Variants in TNS1 observed in about 807,000 individuals in gnomAD.
TNS1 encodes tensin-1.
In TNS1, 62 loss-of-function variants were observed where a neutral mutation model predicts 168.6. That is an observed-to-expected ratio of 0.37 (90% CI 0.30 to 0.45). The LOEUF (loss-of-function observed/expected upper bound fraction) is 0.45. Ranked by LOEUF, TNS1 falls within the 20% of genes least tolerant of loss-of-function variation. TNS1 has a pLI of 1.00. For synonymous variants in TNS1, 934 were observed against 933.2 expected, an observed-to-expected ratio of 1.00 and a Z score of -0.02; for missense variants, 2,240 against 2,339.4, an observed-to-expected ratio of 0.96 and a Z score of 0.88.
chr2:217,997,422 C>T lies in TNS1; in HGVS notation c.33+5418G>A, dbSNP rs565116830. Reference sequence around the variant, plus strand: ...GGTCTCTCATCCTTTAAACTAGACACGTTATCCACCTCTCATTTTTCTTTC... The same window carrying T: ...GGTCTCTCATCCTTTAAACTAGACATGTTATCCACCTCTCATTTTTCTTTC... On this transcript the variant is annotated intron_variant, in intron 1 of 32. Transcript: ENST00000682258. Among the ~76,000 whole-genome samples, 5 of 152,296 alleles carry T rather than the reference C, an allele frequency of 3.3e-5. No individual in the cohort carries two copies. In the South Asian group the frequency reaches 8.3e-4, roughly 25 times the overall value.
chr2:217,859,632 G>C (rs1021513801), intron 18 of TNS1: 36 of 1,535,934 alleles, frequency 2.3e-5, no homozygotes, highest in Non-Finnish European at 3.1e-5. Context: ...GTCTGGCCAG[G>C]TATATTGATC....
chr2:218,003,993 C>T (rs1276813183), upstream of TNS1, among the ~76,000 whole-genome samples: 1 of 152,126 alleles, frequency 6.6e-6, no homozygotes, highest in Non-Finnish European at 1.5e-5. Flanking sequence ...GGGAATCCAG[C>T]AAAGTCTGCC....
intron 18 of TNS1, among the ~76,000 whole-genome samples, chr2:217,878,566 G>A (rs1486017616): frequency 1.3e-5 from 2 of 152,186 alleles, no homozygotes; most frequent in African/African-American, 4.8e-5. Context: ...GCTGGTGCAT[G>A]GTAAATCCAG....
intron 18 of TNS1, among the ~76,000 whole-genome samples, chr2:217,854,738 G>T (rs1354089256): frequency 6.6e-6 from 1 of 152,168 alleles, no homozygotes; most frequent in Non-Finnish European, 1.5e-5. Context: ...CACACACTCT[G>T]CCCCAGCCAT....
At position 217,891,202 on chromosome 2, in the gene TNS1, C is replaced by T. The variant is rs530261161; in HGVS notation, c.783-157G>A. Among the ~76,000 whole-genome samples the T allele has an allele frequency of 2.0e-5, 3 of 152,308 alleles. No individual in the cohort carries two copies. In the South Asian group the frequency reaches 6.2e-4, roughly 32 times the overall value. On this transcript the variant is annotated intron_variant, in intron 11 of 32. Transcript: ENST00000682258. ...GCCTCTTCCCCCTGCCATCCTGTGCCGAGAAGCTTTCAGGAAAAGAGTGTT... is the reference window on the plus strand; with the variant it reads ...GCCTCTTCCCCCTGCCATCCTGTGCTGAGAAGCTTTCAGGAAAAGAGTGTT...
At chr2:217,871,569 A>G (rs2042542) in intron 18 of TNS1, among the ~76,000 whole-genome samples, 53,662 of 152,172 alleles carry the variant, frequency 0.35, 9,621 homozygotes, top group African/African-American at 0.38. Context: ...CGTCTTACTC[A>G]AAAGTTCAGA....
chr2:217,928,543 C>T (rs1956154370), intron 3 of TNS1, among the ~76,000 whole-genome samples: 2 of 152,220 alleles, frequency 1.3e-5, no homozygotes, highest in South Asian at 4.1e-4. Flanking sequence ...CACACCCAAG[C>T]CCTGAGTGTC....
At chr2:217,877,771 G>A (rs1164604791) in intron 18 of TNS1, among the ~76,000 whole-genome samples, 1 of 152,190 alleles carries the variant, frequency 6.6e-6, no homozygotes, top group Non-Finnish European at 1.5e-5. Flanking sequence ...TGGGGGACCA[G>A]GAGCTCTGAG....
At chr2:217,863,159 G>A (rs1948944999) in intron 18 of TNS1, among the ~76,000 whole-genome samples, 1 of 152,194 alleles carries the variant, frequency 6.6e-6, no homozygotes, top group African/African-American at 2.4e-5. Context: ...GAATGGCTGA[G>A]TGCTTTGGTT....
At chr2:217,923,088 G>C (rs1230201157) in intron 3 of TNS1, among the ~76,000 whole-genome samples, 1 of 152,132 alleles carries the variant, frequency 6.6e-6, no homozygotes, top group Non-Finnish European at 1.5e-5. Flanking sequence ...TGGCCCCACA[G>C]TCCTGGAGTC....
At chr2:217,885,187 C>T in intron 15 of TNS1, 23 bp from the exon 16 acceptor site, 1 of 1,613,962 alleles carries the variant, frequency 6.2e-7, no homozygotes, top group South Asian at 1.1e-5. Flanking sequence ...ACGGGCAGAA[C>T]CAGTCAGGGG....
At chr2:217,883,010 G>A (rs1371938539) in intron 16 of TNS1, among the ~76,000 whole-genome samples, 2 of 152,020 alleles carry the variant, frequency 1.3e-5, no homozygotes, top group African/African-American at 4.8e-5. Flanking sequence ...TGCTGAGGCT[G>A]GTCTCAAACT....
At chr2:217,869,935 C>T (rs1949629814) in intron 18 of TNS1, among the ~76,000 whole-genome samples, 1 of 152,144 alleles carries the variant, frequency 6.6e-6, no homozygotes. Flanking sequence ...CCCTGGCCCT[C>T]AGCTCACCTC....
chr2:217,824,241 C>G (rs1054661720), intron 22 of TNS1, among the ~76,000 whole-genome samples: 1 of 152,194 alleles, frequency 6.6e-6, no homozygotes, highest in Non-Finnish European at 1.5e-5. Flanking sequence ...AACCTATCTC[C>G]TCAGCCCAGA....
At chr2:217,804,662 G>C in intron 32 of TNS1, 59 bp from the exon 33 acceptor site, 1 of 1,603,096 alleles carries the variant, frequency 6.2e-7, no homozygotes, top group South Asian at 1.1e-5. Flanking sequence ...CCAGGAGGTG[G>C]ACAGCAGCCC....
intron 23 of TNS1, among the ~76,000 whole-genome samples, chr2:217,819,507 G>T (rs948017704): frequency 6.6e-6 from 1 of 152,134 alleles, no homozygotes; most frequent in Non-Finnish European, 1.5e-5. Context: ...GAGCTCAGAG[G>T]TCACTACCAA....
At chr2:217,872,387 G>C (rs1278226004) in intron 18 of TNS1, among the ~76,000 whole-genome samples, 3 of 152,156 alleles carry the variant, frequency 2.0e-5, no homozygotes, top group African/African-American at 7.2e-5. Context: ...AATTTAAAAA[G>C]GAAACAGAGG....
At chr2:217,959,767 C>T (rs1430237608) in intron 3 of TNS1, among the ~76,000 whole-genome samples, 1 of 151,816 alleles carries the variant, frequency 6.6e-6, no homozygotes, top group Non-Finnish European at 1.5e-5. Context: ...AGGGAAGCAG[C>T]TGGGTGGGCA....
intron 3 of TNS1, among the ~76,000 whole-genome samples, chr2:217,937,381 G>C (rs1276416468): frequency 6.6e-6 from 1 of 152,166 alleles, no homozygotes; most frequent in Admixed American, 6.5e-5. Flanking sequence ...GACCCAAGGA[G>C]CCAACCCCTG....
Sources: allele counts gnomAD v4.1 joint callset (sites outside exome capture counted in the v4.1 genomes callset), GRCh38; gene constraint gnomAD v4.1.1; transcripts MANE v1.5; gene names NCBI Gene and HGNC (gene_info 2026-07-23, HGNC 2026-07-21).